DNAH3: variants seen among roughly 807,000 people sequenced by gnomAD.
DNAH3 encodes the protein axonemal beta dynein heavy chain 3.
DNAH3 carries 332 observed loss-of-function variants against 432.5 expected under a neutral mutation model. The observed-to-expected ratio is 0.77, with a 90% CI of 0.70 to 0.84. The LOEUF is 0.84. DNAH3 is among the 40% of genes least tolerant of loss of function. The pLI is 0.00. For missense variants in DNAH3, 4,861 were observed against 5,114.0 expected, an observed-to-expected ratio of 0.95 and a Z score of 1.51; for synonymous variants, 1,956 against 1,900.2, an observed-to-expected ratio of 1.03 and a Z score of -0.76.
intron 12 of DNAH3, among the ~76,000 whole-genome samples, chr16:21,112,367 C>T (rs1235329776): frequency 6.6e-6 from 1 of 152,068 alleles, no homozygotes; most frequent in Non-Finnish European, 1.5e-5. Context: ...TTTCATACTG[C>T]TGATAGAGAC....
chr16:21,110,857 G>A (rs1033168378), intron 14 of DNAH3, among the ~76,000 whole-genome samples: 72 of 152,076 alleles, frequency 4.7e-4, no homozygotes, highest in African/African-American at 1.6e-3. Context: ...CTAGGGGACA[G>A]AACAAGACCA....
At chr16:21,133,069 C>A (rs1035937514) in intron 7 of DNAH3, among the ~76,000 whole-genome samples, 9 of 151,768 alleles carry the variant, frequency 5.9e-5, no homozygotes, top group Admixed American at 1.3e-4. Flanking sequence ...GGAATAAGAC[C>A]GTCCGGGCGT....
At chr16:20,947,220 G>T (rs1300900438) in intron 57 of DNAH3, among the ~76,000 whole-genome samples, 1 of 152,018 alleles carries the variant, frequency 6.6e-6, no homozygotes, top group Non-Finnish European at 1.5e-5. Flanking sequence ...AAGAAGACTG[G>T]GTGCGGGGAG....
intron 20 of DNAH3, among the ~76,000 whole-genome samples, chr16:21,081,300 G>A (rs1231610846): frequency 6.6e-6 from 1 of 151,760 alleles, no homozygotes; most frequent in African/African-American, 2.4e-5. Context: ...TTAAAGAAGA[G>A]GAAACCGAGG....
In DNAH3 at chr16:21,103,196, A is replaced by C. The variant is rs191462476; in HGVS notation, c.2366+1275T>G. Among the ~76,000 whole-genome samples the C allele has an allele frequency of 2.0e-5, 3 of 152,138 alleles. No individual in the cohort carries two copies. In the East Asian group the frequency reaches 5.8e-4, roughly 29 times the overall value. ...GTAGGAGGGGGGTGAGGGATACAAG[A>C]CTACAAATTGGGTTCAGTGTGTACT... On this transcript the variant is annotated intron_variant, in intron 16 of 61. Transcript: ENST00000261383.
At chr16:20,949,330 A>T (rs149354944) in intron 56 of DNAH3, among the ~76,000 whole-genome samples, 1,602 of 151,064 alleles carry the variant, frequency 0.011, 26 homozygotes, top group African/African-American at 0.037. Flanking sequence ...TTCGTCTCAA[A>T]AAATAAATAA....
At chr16:20,933,593 A>G (rs1413747620) in intron 61 of DNAH3, 86 bp from the exon 62 acceptor site, 1 of 1,091,502 alleles carries the variant, frequency 9.2e-7, no homozygotes, top group East Asian at 2.4e-5. Flanking sequence ...CTGATACTCA[A>G]AGTGCAACCT....
At chr16:21,069,230 C>T (rs1282892942) in intron 23 of DNAH3, among the ~76,000 whole-genome samples, 185 bp downstream of exon 23, 2 of 152,128 alleles carry the variant, frequency 1.3e-5, no homozygotes, top group African/African-American at 2.4e-5. Flanking sequence ...TAGGCATGAG[C>T]CATCGCACTG....
exon 51 of DNAH3, chr16:20,975,402 T>C (rs2085540294): frequency 6.2e-7 from 1 of 1,613,836 alleles, no homozygotes; most frequent in Non-Finnish European, 8.5e-7. Flanking sequence ...CAGTTCTCTT[T>C]GCATAACCGC....
At chr16:21,099,275 C>T (rs960143883) in intron 16 of DNAH3, among the ~76,000 whole-genome samples, 12 of 120,922 alleles carry the variant, frequency 9.9e-5, no homozygotes, top group Non-Finnish European at 1.8e-4. Context: ...GATGGATGGA[C>T]AGATGGATGG....
rs1234858951 is a variant in DNAH3 at position 21,081,776 on chromosome 16, T to C, written c.2878-49A>G. ...ATGTTTGTTGTCCGAGGCAGTGCTG[T>C]CCAGTAGAACCTTCTGTGATGATGG... On this transcript the variant is annotated intron_variant, in intron 19 of 61. Transcript: ENST00000261383. 3.3e-6 allele frequency: 5 copies of C among 1,498,708 alleles called. No individual in the cohort carries two copies. In the African/African-American group the frequency reaches 5.5e-5, roughly 16 times the overall value. The allele number at this position is 1,498,708 out of a possible 1,614,324, so 92.8% of individuals were successfully genotyped here. A position where few individuals can be genotyped will look rare whatever the true frequency, so the allele number is the denominator to read the frequency against.
chr16:21,011,952 C>T (rs760056583), intron 41 of DNAH3, among the ~76,000 whole-genome samples: 24 of 152,066 alleles, frequency 1.6e-4, no homozygotes, highest in Non-Finnish European at 3.4e-4. Context: ...TTATTATTGT[C>T]CCCATTTTAT....
intron 48 of DNAH3, among the ~76,000 whole-genome samples, chr16:20,984,029 G>GAAAAAAAAAAAAAAAAAAAAAAA (rs61475224): frequency 7.1e-5 from 8 of 112,154 alleles, no homozygotes; most frequent in African/African-American, 2.8e-4. Flanking sequence ...CCTATATCCA[G>GAAAAAAAAAAAAAAAAAAAAAAA]AAAAAAAAAA....
At chr16:21,072,867 A>G (rs1266226384) in intron 21 of DNAH3, among the ~76,000 whole-genome samples, 2 of 149,394 alleles carry the variant, frequency 1.3e-5, no homozygotes, top group African/African-American at 5.0e-5. Context: ...ATTATTTTGT[A>G]GAGAGGGGGT....
chr16:21,148,054 C>G (rs61061596), intron 1 of DNAH3, among the ~76,000 whole-genome samples: 2,729 of 152,194 alleles, frequency 0.018, 83 homozygotes, highest in African/African-American at 0.062. Flanking sequence ...ATAAGATGAG[C>G]CAACATCGTA....
intron 32 of DNAH3, among the ~76,000 whole-genome samples, chr16:21,040,841 T>C (rs1156526701): frequency 6.6e-6 from 1 of 152,146 alleles, no homozygotes; most frequent in Non-Finnish European, 1.5e-5. Flanking sequence ...ATGTGGCACA[T>C]AGTAAGTGTT....
chr16:21,154,334 G>A (rs190057612), intron 1 of DNAH3, among the ~76,000 whole-genome samples: 10 of 152,258 alleles, frequency 6.6e-5, no homozygotes, highest in African/African-American at 2.4e-4. Flanking sequence ...GAACACAGGA[G>A]GTGGAGGTTG....
chr16:21,001,223 G>T (rs183704715), intron 42 of DNAH3, among the ~76,000 whole-genome samples: 1 of 152,264 alleles, frequency 6.6e-6, no homozygotes, highest in East Asian at 1.9e-4. Context: ...CCGGGTCTCG[G>T]GCTCCTGGAA....
In DNAH3 at chr16:20,988,067, T is replaced by G. The variant is rs1431035388; in HGVS notation, c.6602-2A>C. 1 of 1,613,962 alleles carries G rather than the reference T, an allele frequency of 6.2e-7. No homozygotes were observed. The highest frequency in any genetic ancestry group is 8.5e-7 in the Non-Finnish European group (1 of 1,180,016). ...TATTCAGATGGCGAGTGAATCGTCC[T>G]GGGGAATACAACACACAAGTGAATC... On this transcript the variant is annotated splice_acceptor_variant, in intron 44 of 61. Coordinates refer to ENST00000261383, the Ensembl canonical transcript of DNAH3. LOFTEE classifies it high-confidence loss of function.
Sources: allele counts gnomAD v4.1 joint callset (sites outside exome capture counted in the v4.1 genomes callset), GRCh38; gene constraint gnomAD v4.1.1; transcripts MANE v1.5; gene names NCBI Gene and HGNC (gene_info 2026-07-23, HGNC 2026-07-21).